STK32B: variants seen among roughly 807,000 people sequenced by gnomAD.
STK32B encodes serine/threonine kinase 32B.
In STK32B, 43 loss-of-function variants were observed where a neutral mutation model predicts 52.6. That is an observed-to-expected ratio of 0.82 (90% CI 0.64 to 1.05). STK32B has a LOEUF of 1.05. STK32B is among the 50% of genes least tolerant of loss of function. The probability of loss-of-function intolerance (pLI) is 0.00; values close to 1 mark genes in which losing one functional copy is unlikely to be tolerated. For synonymous variants in STK32B, 238 were observed against 204.3 expected, an observed-to-expected ratio of 1.17 and a Z score of -1.41; for missense variants, 621 against 534.6, an observed-to-expected ratio of 1.16 and a Z score of -1.59.
intron 3 of STK32B, among the ~76,000 whole-genome samples, chr4:5,316,974 T>C (rs868593936): frequency 0.012 from 433 of 37,178 alleles, 24 homozygotes; most frequent in Non-Finnish European, 0.014. Context: ...ATATAATATA[T>C]ATAATATATA....
intron 3 of STK32B, among the ~76,000 whole-genome samples, chr4:5,230,009 T>G (rs1237192069): frequency 6.6e-6 from 1 of 151,874 alleles, no homozygotes; most frequent in East Asian, 1.9e-4. Context: ...TATTATTTTT[T>G]AAGATGGAGT....
intron 1 of STK32B, among the ~76,000 whole-genome samples, chr4:5,121,335 T>C (rs1332644397): frequency 6.6e-6 from 1 of 152,174 alleles, no homozygotes; most frequent in East Asian, 1.9e-4. Flanking sequence ...GGCATTTAGG[T>C]TGGTTCCATT....
At chr4:5,135,318 A>G (rs1262174345) in intron 1 of STK32B, among the ~76,000 whole-genome samples, 1 of 150,472 alleles carries the variant, frequency 6.6e-6, no homozygotes, top group Non-Finnish European at 1.5e-5. Context: ...TGACTTCCCC[A>G]ACATCACCCA....
chr4:5,441,156 A>C (rs1284176837), intron 6 of STK32B, among the ~76,000 whole-genome samples: 2 of 148,720 alleles, frequency 1.3e-5, no homozygotes, highest in Non-Finnish European at 3.0e-5. Context: ...TTTTCTATTG[A>C]TTGGAATAGT....
At chr4:5,376,367 A>C (rs1482595383) in intron 4 of STK32B, among the ~76,000 whole-genome samples, 1 of 152,058 alleles carries the variant, frequency 6.6e-6, no homozygotes, top group Admixed American at 6.5e-5. Context: ...AAAATACAAA[A>C]ATATCTACCT....
intron 6 of STK32B, among the ~76,000 whole-genome samples, chr4:5,419,783 G>A (rs1712470962): frequency 6.6e-6 from 1 of 152,144 alleles, no homozygotes; most frequent in African/African-American, 2.4e-5. Flanking sequence ...TATTTGCTCT[G>A]TTTTATATGC....
In STK32B at chr4:5,486,283, A is replaced by G. The variant is rs571775607; in HGVS notation, c.1107-12662A>G. On this transcript the variant is annotated intron_variant, in intron 11 of 11. Transcript: ENST00000282908. ...TTGTTTACCTACTCAAGCCTTGGCA[A>G]TGGCGGGCGCCCCACCCCCAACCTC... Among the ~76,000 whole-genome samples, 369 of 152,276 alleles carry G rather than the reference A, an allele frequency of 2.4e-3. 1 individual carries two copies. The highest frequency in any genetic ancestry group is 3.5e-3 in the South Asian group (17 of 4,830).
chr4:5,448,059 G>A (rs7700153), intron 7 of STK32B, among the ~76,000 whole-genome samples: 107,983 of 152,136 alleles, frequency 0.71, 38,787 homozygotes, highest in East Asian at 0.83. Context: ...AATGTTTGTT[G>A]AATGAATGAG....
At chr4:5,438,387 T>C (rs554068734) in intron 6 of STK32B, among the ~76,000 whole-genome samples, 34 of 152,302 alleles carry the variant, frequency 2.2e-4, no homozygotes, top group Admixed American at 2.2e-3. Context: ...GATCACTGAC[T>C]TTGGAGTCAG....
At chr4:5,299,573 T>C (rs114778442) in intron 3 of STK32B, among the ~76,000 whole-genome samples, 1,729 of 152,272 alleles carry the variant, frequency 0.011, 23 homozygotes, top group South Asian at 0.057. Context: ...ATCAGTTGGT[T>C]GTAGGTATGT....
At chr4:5,178,994 C>T (rs907500140) in intron 3 of STK32B, among the ~76,000 whole-genome samples, 1 of 152,150 alleles carries the variant, frequency 6.6e-6, no homozygotes, top group African/African-American at 2.4e-5. Context: ...TGCCTCGGTA[C>T]CAATGTACTG....
chr4:5,499,074 C>A lies in STK32B; in HGVS notation c.1236C>A (p.Cys412Ter), dbSNP rs761837571. 1.9e-6 allele frequency: 3 copies of A among 1,609,742 alleles called. No individual in the cohort carries two copies. Among genetic ancestry groups the A allele is most frequent in the Admixed American group, 1.7e-5 (1 of 59,702 alleles). ...TCACCCACACCTGCACCCGTGGCTG[C>A]AGCAGCTGAGCCCACACTTGTTGCT... ...NLLTHTCTRG[C>*]SS Residue 412 changes from cysteine to a stop codon, truncating the protein, a stop_gained, in exon 12 of 12, where the codon TGC becomes TGA. Coordinates refer to ENST00000282908, the MANE Select transcript of STK32B (RefSeq NM_018401.3). LOFTEE classifies it high-confidence loss of function.
At chr4:5,495,755 G>A (rs1720178536) in intron 11 of STK32B, among the ~76,000 whole-genome samples, 1 of 152,020 alleles carries the variant, frequency 6.6e-6, no homozygotes, top group Non-Finnish European at 1.5e-5. Context: ...TGGGTTTTTG[G>A]TGTGGATGTC....
At chr4:5,087,807 G>T (rs753453248) in intron 1 of STK32B, among the ~76,000 whole-genome samples, 8 of 151,558 alleles carry the variant, frequency 5.3e-5, no homozygotes, top group Non-Finnish European at 1.0e-4. Flanking sequence ...AGCAAAAAGC[G>T]GCAGAATTGA....
the STK32B span, among the ~76,000 whole-genome samples, chr4:5,028,726 G>A: frequency 6.6e-6 from 1 of 152,232 alleles, no homozygotes; most frequent in Non-Finnish European, 1.5e-5. Context: ...GTTTGTTACA[G>A]CAGTGTAATC....
intron 6 of STK32B, among the ~76,000 whole-genome samples, chr4:5,442,313 A>G (rs1477073242): frequency 1.3e-5 from 2 of 151,998 alleles, no homozygotes; most frequent in African/African-American, 4.8e-5. Context: ...ATATATTTAG[A>G]ATAGTTAGCT....
rs1737187526 is a variant in STK32B at position 5,400,010 on chromosome 4, G to A, written c.472+1766G>A. ...CTCAAGGCTCTGTCCTATTAAGAGA[G>A]ACCGCTAGGGGGAGACTTCCTGGCC... On this transcript the variant is annotated intron_variant, in intron 5 of 11. Transcript: ENST00000282908. The surrounding 1 kb of genome is among the most constrained non-coding windows in gnomAD (Gnocchi z 6.1). 6.6e-6 allele frequency among the ~76,000 whole-genome samples: 1 copy of A among 152,212 alleles called. No individual in the cohort carries two copies. Among genetic ancestry groups the A allele is most frequent in the African/African-American group, 2.4e-5 (1 of 41,454 alleles).
chr4:5,141,472 T>A (rs3948112), intron 2 of STK32B, among the ~76,000 whole-genome samples: 130,824 of 152,184 alleles, frequency 0.86, 56,308 homozygotes, highest in South Asian at 0.92. Context: ...AGAGGACTTC[T>A]TCCATGTGGT....
chr4:5,464,053 G>C (rs1717238935), intron 9 of STK32B, among the ~76,000 whole-genome samples: 2 of 152,164 alleles, frequency 1.3e-5, no homozygotes, highest in Non-Finnish European at 2.9e-5. Context: ...TCCAGTCAGG[G>C]CGGAAGGTGA....
Sources: gnomAD v4.1 joint callset for allele counts (sites outside exome capture counted in the v4.1 genomes callset) on GRCh38, gnomAD v4.1.1 for gene constraint, Gnocchi (gnomAD v3.1) non-coding constraint, MANE v1.5 for transcripts, NCBI Gene and HGNC (gene_info 2026-07-23, HGNC 2026-07-21) for gene names.